Variants in AGBL4 observed in about 807,000 individuals in gnomAD.
AGBL4 encodes AGBL carboxypeptidase 4, also known as cytosolic carboxypeptidase 6.
In AGBL4, 58 loss-of-function variants were observed where a neutral mutation model predicts 66.4. That is an observed-to-expected ratio of 0.87 (90% confidence interval 0.71 to 1.09). AGBL4 has a LOEUF of 1.09. AGBL4 is among the 50% of genes least tolerant of loss of function. The pLI is 0.00. For synonymous variants in AGBL4, 234 were observed against 222.9 expected (o/e 1.05, Z -0.44); for missense variants, 579 against 631.0 (o/e 0.92, Z 0.88).
intron 4 of AGBL4, among the ~76,000 whole-genome samples, chr1:49,242,328 A>C (rs114729540): frequency 1.3e-5 from 2 of 152,078 alleles, no homozygotes; most frequent in African/African-American, 4.8e-5. Context: ...CAATCCAATA[A>C]GTTATTTCAG....
At chr1:49,776,375 T>C (rs1237696850) in intron 2 of AGBL4, among the ~76,000 whole-genome samples, 7 of 152,082 alleles carry the variant, frequency 4.6e-5, no homozygotes, top group Non-Finnish European at 1.0e-4. Context: ...AAAATGTAAA[T>C]AGGATATATC....
intron 4 of AGBL4, among the ~76,000 whole-genome samples, chr1:49,203,382 A>G (rs909301094): frequency 2.6e-5 from 4 of 152,194 alleles, no homozygotes; most frequent in Non-Finnish European, 4.4e-5. Flanking sequence ...ATATCCATGA[A>G]TAAATGAATG....
At chr1:49,964,579 T>C (rs1657397478) in intron 1 of AGBL4, among the ~76,000 whole-genome samples, 1 of 152,178 alleles carries the variant, frequency 6.6e-6, no homozygotes, top group Admixed American at 6.5e-5. Flanking sequence ...CTCTTTTCTC[T>C]GTGCTTTATT....
intron 6 of AGBL4, among the ~76,000 whole-genome samples, chr1:48,846,355 A>G (rs963884607): frequency 6.9e-6 from 1 of 144,140 alleles, no homozygotes; most frequent in Non-Finnish European, 1.5e-5. Flanking sequence ...AAGAAAGGAG[A>G]AAGAAAGAAG....
chr1:49,390,469 C>T lies in AGBL4; in HGVS notation c.283-144605G>A, dbSNP rs559090425. 2.3e-3 allele frequency among the ~76,000 whole-genome samples: 346 copies of T among 152,320 alleles called. 1 individual carries two copies. Among genetic ancestry groups the T allele is most frequent in the African/African-American group, 7.2e-3 (298 of 41,572 alleles). ...ATGAAGGAGACATACTCAAAAATCT[C>T]TAAGGAAGAAACTGTGTGTATTACA... On this transcript the variant is annotated intron_variant, in intron 3 of 13. Coordinates refer to ENST00000371839, the MANE Select transcript of AGBL4 (RefSeq NM_032785.4).
chr1:49,583,697 C>T (rs1644590811), intron 3 of AGBL4, among the ~76,000 whole-genome samples: 1 of 151,938 alleles, frequency 6.6e-6, no homozygotes, highest in Non-Finnish European at 1.5e-5. Flanking sequence ...ACATTTGGTG[C>T]CAGAAGTGTT....
intron 1 of AGBL4, among the ~76,000 whole-genome samples, chr1:49,935,789 T>A (rs1207327869): frequency 1.3e-5 from 2 of 152,056 alleles, no homozygotes; most frequent in Non-Finnish European, 1.5e-5. Flanking sequence ...GTCTGTTAGA[T>A]GGAAAACTAA....
intron 3 of AGBL4, among the ~76,000 whole-genome samples, chr1:49,556,870 C>T (rs1014576002): frequency 2.6e-5 from 4 of 151,946 alleles, no homozygotes; most frequent in Admixed American, 2.6e-4. Context: ...TGAGGCCTGA[C>T]GAGAATTCAA....
At chr1:49,726,335 A>T (rs950473034) in intron 2 of AGBL4, among the ~76,000 whole-genome samples, 1 of 152,218 alleles carries the variant, frequency 6.6e-6, no homozygotes, top group Non-Finnish European at 1.5e-5. Flanking sequence ...GAGATGCAAG[A>T]GTCAAATCTT....
At chr1:49,282,087 T>C (rs893839956) in intron 3 of AGBL4, among the ~76,000 whole-genome samples, 2 of 152,196 alleles carry the variant, frequency 1.3e-5, no homozygotes, top group African/African-American at 4.8e-5. Flanking sequence ...ATAGTCAGAA[T>C]TGAATGAAAT....
At chr1:49,590,253 A>G (rs1644726835) in intron 3 of AGBL4, among the ~76,000 whole-genome samples, 1 of 152,070 alleles carries the variant, frequency 6.6e-6, no homozygotes, top group African/African-American at 2.4e-5. Context: ...CACATTAATA[A>G]ATTGAATATA....
chr1:48,811,129 G>A lies in AGBL4; in HGVS notation c.634+56062C>T, dbSNP rs149327664. 1.1e-3 allele frequency among the ~76,000 whole-genome samples: 162 copies of A among 147,982 alleles called. 2 individuals carry two copies. The South Asian group carries it at 0.021, about 19-fold the overall frequency. ...GTCGCCAACAGATGGGACACAATAG[G>A]TGTTCCTCTGGAGCTCTGATTCTCA... On this transcript the variant is annotated intron_variant, in intron 6 of 13. Transcript: ENST00000371839.
intron 6 of AGBL4, among the ~76,000 whole-genome samples, chr1:48,737,562 T>C (rs1332956371): frequency 6.6e-6 from 1 of 152,142 alleles, no homozygotes; most frequent in East Asian, 1.9e-4. Flanking sequence ...ACACCTATGA[T>C]TTTAAACACA....
chr1:49,425,094 CA>C (rs1409343261), intron 3 of AGBL4, among the ~76,000 whole-genome samples: 1 of 151,972 alleles, frequency 6.6e-6, no homozygotes, highest in Non-Finnish European at 1.5e-5. Flanking sequence ...TGAATGTCAA[CA>C]AAAAGAATCG....
chr1:49,189,897 C>T (rs894849480), intron 4 of AGBL4, among the ~76,000 whole-genome samples: 1 of 152,206 alleles, frequency 6.6e-6, no homozygotes, highest in African/African-American at 2.4e-5. Context: ...CAATGTTTAA[C>T]TCTAAAACCC....
intron 6 of AGBL4, among the ~76,000 whole-genome samples, chr1:48,795,570 G>A (rs1452435086): frequency 6.6e-6 from 1 of 152,128 alleles, no homozygotes; most frequent in Non-Finnish European, 1.5e-5. Context: ...CCAGAAAGTT[G>A]ACATTGTTAT....
At chr1:48,749,199 C>A (rs551673270) in intron 6 of AGBL4, among the ~76,000 whole-genome samples, 1 of 152,120 alleles carries the variant, frequency 6.6e-6, no homozygotes, top group Non-Finnish European at 1.5e-5. Context: ...CTACAAAAGT[C>A]TTCTTTGTTA....
Position 48,590,984 on chromosome 1 carries a change from T to C in AGBL4, c.953A>G (p.Lys318Arg). The C allele has an allele frequency of 6.2e-7, 1 of 1,606,722 alleles. No individual in the cohort carries two copies. Among genetic ancestry groups the C allele is most frequent in the Non-Finnish European group, 8.5e-7 (1 of 1,176,738 alleles). Reference protein sequence around the residue: ...QLIVQMYNDPKTSLEFYIDIH... With the variant: ...QLIVQMYNDPRTSLEFYIDIH... ...GTCAATATAAAACTCCAGGCTTGTT[T>C]TCTGTTGAGAGAAAGGATAACAAAT... The change falls in exon 10 of 14, where the codon AAA becomes AGA. Residue 318 changes from lysine to arginine, a missense_variant and splice_region_variant. Physicochemically the swap from Lys to Arg is conservative, Grantham distance 26. Coordinates refer to ENST00000371839, the MANE Select transcript of AGBL4 (RefSeq NM_032785.4).
chr1:49,224,867 T>G (rs1248983286), intron 4 of AGBL4, among the ~76,000 whole-genome samples: 1 of 152,138 alleles, frequency 6.6e-6, no homozygotes, highest in Non-Finnish European at 1.5e-5. Context: ...GACAGTAAAT[T>G]GTAGCACTGA....
Sources: gnomAD v4.1 joint callset for allele counts (sites outside exome capture counted in the v4.1 genomes callset) on GRCh38, gnomAD v4.1.1 for gene constraint, MANE v1.5 for transcripts, NCBI Gene and HGNC (gene_info 2026-07-23, HGNC 2026-07-21) for gene names.